Variants in LRRC49 observed in about 807,000 individuals in gnomAD.
LRRC49 encodes leucine rich repeat containing 49.
LRRC49 carries 50 observed loss-of-function variants against 83.3 expected under a neutral mutation model. That is an observed-to-expected ratio of 0.60 (90% confidence interval 0.48 to 0.76). The LOEUF is 0.76. Among genes scored for constraint, LRRC49 ranks in the 30% least tolerant of loss-of-function variants. The pLI is 0.00. For missense variants in LRRC49, 704 were observed against 809.1 expected (o/e 0.87, Z 1.58); for synonymous variants, 286 against 283.3 (o/e 1.01, Z -0.10).
At chr15:71,038,399 A>G (rs1054676824) in intron 15 of LRRC49, among the ~76,000 whole-genome samples, 6 of 152,102 alleles carry the variant, frequency 3.9e-5, no homozygotes, top group African/African-American at 1.4e-4. Context: ...AGAAGAAAGC[A>G]AAACAGCAGA....
At chr15:71,006,542 G>T (rs546535471) in intron 11 of LRRC49, among the ~76,000 whole-genome samples, 1 of 152,038 alleles carries the variant, frequency 6.6e-6, no homozygotes, top group African/African-American at 2.4e-5. Flanking sequence ...ATAGCTTATG[G>T]TTCAAACATC....
Position 70,892,901 on chromosome 15 carries a change from C to T in LRRC49, c.7C>T (p.Pro3Ser). 1 of 1,614,242 alleles carries T rather than the reference C, an allele frequency of 6.2e-7. No homozygotes were observed. The highest frequency in any genetic ancestry group is 8.5e-7 in the Non-Finnish European group (1 of 1,180,048). Residue 3 changes from proline (P) to serine (S), a missense_variant, in exon 1 of 16, where the codon CCC becomes TCC. Around this residue, in one of 3 missense-constraint regions of LRRC49, gnomAD observed 261 missense variants for 330.5 expected, o/e 0.79. Transcript: ENST00000260382. ...ACCTGGACTGTCTCCTATCATGATT[C>T]CCGGGAAATATCGCTCTGTTTCTGG... MIPGKYRSVSGRA... is the reference protein window; with the variant it reads MISGKYRSVSGRA...
At chr15:71,037,107 T>G (rs767462691) in intron 14 of LRRC49, 72 bp from the exon 15 acceptor site, 61 of 1,080,282 alleles carry the variant, frequency 5.6e-5, no homozygotes, top group Non-Finnish European at 7.8e-5. Flanking sequence ...TCCTCTAAAG[T>G]CAACAAAAAA....
intron 11 of LRRC49, among the ~76,000 whole-genome samples, chr15:70,988,998 A>G (rs2141235596): frequency 1.3e-5 from 2 of 152,288 alleles, no homozygotes; most frequent in South Asian, 4.1e-4. Context: ...GTTTCTGCTG[A>G]GAGATCTGCT....
chr15:70,931,604 AT>A (rs1170303825), intron 7 of LRRC49, among the ~76,000 whole-genome samples: 1 of 151,954 alleles, frequency 6.6e-6, no homozygotes, highest in Admixed American at 6.6e-5. Context: ...CATGTACCTT[AT>A]TTTTTCTTGT....
intron 14 of LRRC49, among the ~76,000 whole-genome samples, chr15:71,034,207 T>C (rs1309150634): frequency 2.0e-5 from 3 of 151,558 alleles, no homozygotes; most frequent in African/African-American, 7.3e-5. Context: ...ACAAACCCCA[T>C]CAAAAAGTGG....
At chr15:71,038,052 C>G (rs896263149) in intron 15 of LRRC49, among the ~76,000 whole-genome samples, 1 of 152,032 alleles carries the variant, frequency 6.6e-6, no homozygotes, top group African/African-American at 2.4e-5. Context: ...TTTGAGGGAA[C>G]AAAGGGGCAA....
Position 71,049,439 on chromosome 15 carries a change from A to G in LRRC49, c.1888A>G (p.Thr630Ala), listed in dbSNP as rs1246671291. The G allele has an allele frequency of 6.2e-7, 1 of 1,605,412 alleles. No individual in the cohort carries two copies. ...AAAGGAAAAGAAGAAATTCTGTAAA[A>G]CATATATAGAAGACCTTGTGAAGGA... ...EIKEKKKFCKTYIEDLVKEAT... is the reference protein window; with the variant it reads ...EIKEKKKFCKAYIEDLVKEAT... The change falls in exon 16 of 16, where the codon ACA becomes GCA. Residue 630 changes from threonine (T) to alanine (A), a missense_variant. Thr to Ala is a moderately conservative substitution (Grantham distance 58). This residue lies in a region of LRRC49 where 275 missense variants were observed against 338.0 expected (regional missense o/e 0.81). Transcript: ENST00000260382.
At chr15:70,854,117 T>C in intron 1 of LRRC49, 1 of 1,233,754 alleles carries the variant, frequency 8.1e-7, no homozygotes, top group South Asian at 3.3e-5. Context: ...GCCGCCGGGG[T>C]CCTCACGCCG....
rs562792092 is a variant in LRRC49, at chr15:70,893,109, A to G, written c.48+167A>G. ...GTGGGCTGGACCAAGGCACAATTTA[A>G]TATTGTATGATGGGTACTCAAAGTC... is the stretch of plus-strand genomic sequence containing the variant. On this transcript the variant is annotated intron_variant, in intron 1 of 15. Transcript: ENST00000260382. 24 of 710,878 alleles carry G rather than the reference A, an allele frequency of 3.4e-5. 1 individual carries two copies. The highest frequency in any genetic ancestry group is 2.4e-4 in the Middle Eastern group (1 of 4,204). 44.0% of individuals were successfully genotyped at this position (710,878 alleles called of 1,614,324 possible). A position where few individuals can be genotyped will look rare whatever the true frequency, so the allele number is the denominator to read the frequency against.
chr15:70,863,547 T>A (rs182387439), intron 1 of LRRC49, among the ~76,000 whole-genome samples: 1 of 152,310 alleles, frequency 6.6e-6, no homozygotes, highest in East Asian at 1.9e-4. Context: ...GAGAACCAGT[T>A]AGCAGATTCA....
chr15:70,970,356 A>G (rs1006030875), intron 9 of LRRC49, among the ~76,000 whole-genome samples: 2 of 152,038 alleles, frequency 1.3e-5, no homozygotes, highest in South Asian at 4.1e-4. Context: ...TAAGCTTTTT[A>G]ATGTGCTGCT....
intron 7 of LRRC49, among the ~76,000 whole-genome samples, chr15:70,930,002 A>G (rs1439333627): frequency 1.3e-5 from 2 of 152,030 alleles, no homozygotes; most frequent in Admixed American, 6.6e-5. Flanking sequence ...AACTTCCTCC[A>G]AACTCCTGTT....
intron 1 of LRRC49, among the ~76,000 whole-genome samples, chr15:70,865,017 C>G (rs1276474163): frequency 6.6e-6 from 1 of 152,198 alleles, no homozygotes; most frequent in African/African-American, 2.4e-5. Context: ...CAGTCATTTT[C>G]TTCCTTTTTT....
intron 14 of LRRC49, among the ~76,000 whole-genome samples, chr15:71,027,000 G>A (rs1160851817): frequency 1.3e-5 from 2 of 152,110 alleles, no homozygotes; most frequent in Admixed American, 1.3e-4. Context: ...TCATGTTTTA[G>A]TCATGAAGTC....
chr15:71,050,014 C>A lies in LRRC49; in HGVS notation c.*402C>A, dbSNP rs1446545805. ...CCCTTTTTATTTTATGTCATGATTTCAAAGCCAAAAATATGTTCTTTTTAT... is the reference window on the plus strand; with the variant it reads ...CCCTTTTTATTTTATGTCATGATTTAAAAGCCAAAAATATGTTCTTTTTAT... On this transcript the variant is annotated 3_prime_UTR_variant, in exon 16 of 16. Transcript: ENST00000260382. The A allele has an allele frequency of 6.4e-6, 1 of 157,060 alleles. No homozygotes were observed. Among genetic ancestry groups the A allele is most frequent in the African/African-American group, 2.4e-5 (1 of 41,568 alleles). The allele number at this position is 157,060 out of a possible 1,614,324, so 9.7% of individuals were successfully genotyped here. A position where few individuals can be genotyped will look rare whatever the true frequency, so the allele number is the denominator to read the frequency against.
intron 11 of LRRC49, among the ~76,000 whole-genome samples, chr15:70,994,706 C>T (rs1013022333): frequency 1.3e-5 from 2 of 152,118 alleles, no homozygotes; most frequent in African/African-American, 4.8e-5. Flanking sequence ...AACTCTTAGG[C>T]TCAAGTGATC....
intron 2 of LRRC49, chr15:70,882,400 T>C: frequency 7.5e-7 from 1 of 1,336,718 alleles, no homozygotes; most frequent in Non-Finnish European, 1.0e-6. Flanking sequence ...GAGATAATTA[T>C]GTGAGTAAAG....
At position 71,051,167 on chromosome 15, in the gene LRRC49, G is replaced by A. The variant is rs1351698366; in HGVS notation, c.*1555G>A. Reference sequence around the variant, plus strand: ...CCTGGTTTTTTCATCTTGGCACTTAGGCCATCAGCTTACTAGTGTGTAACC... The same window carrying A: ...CCTGGTTTTTTCATCTTGGCACTTAAGCCATCAGCTTACTAGTGTGTAACC... On this transcript the variant is annotated 3_prime_UTR_variant, in exon 16 of 16. Coordinates refer to ENST00000260382, the MANE Select transcript of LRRC49 (RefSeq NM_017691.5). 6.6e-6 allele frequency: 1 copy of A among 152,226 alleles called. No individual in the cohort carries two copies. The highest frequency in any genetic ancestry group is 1.5e-5 in the Non-Finnish European group (1 of 68,116). 9.4% of individuals were successfully genotyped at this position (152,226 alleles called of 1,614,324 possible). A position where few individuals can be genotyped will look rare whatever the true frequency, so the allele number is the denominator to read the frequency against.
Sources: gnomAD v4.1 joint callset for allele counts (sites outside exome capture counted in the v4.1 genomes callset) on GRCh38, gnomAD v4.1.1 for gene constraint, gnomAD v4.1.1 regional missense constraint, MANE v1.5 for transcripts, NCBI Gene and HGNC (gene_info 2026-07-23, HGNC 2026-07-21) for gene names.